The following SLC14A2 variants were observed in gnomAD, a reference collection of about 807,000 sequenced individuals.
SLC14A2 encodes solute carrier family 14 member 2.
Under a neutral mutation model 104.6 loss-of-function variants are expected in SLC14A2, and 91 were observed. The observed-to-expected ratio is 0.87, with a 90% CI of 0.73 to 1.04. The LOEUF is 1.04. Among genes scored for constraint, SLC14A2 ranks in the 50% least tolerant of loss-of-function variants. SLC14A2 has a pLI of 0.00. For synonymous variants in SLC14A2, 476 were observed against 466.4 expected (o/e 1.02, Z -0.27); for missense variants, 1,189 against 1,156.0 (o/e 1.03, Z -0.41).
At chr18:45,404,476 T>TA (rs1175873876) in intron 1 of SLC14A2, among the ~76,000 whole-genome samples, 2 of 152,204 alleles carry the variant, frequency 1.3e-5, no homozygotes, top group African/African-American at 4.8e-5. Flanking sequence ...TCCCTTATGT[T>TA]ACTTCATACC....
chr18:45,173,699 T>A, the SLC14A2 span, among the ~76,000 whole-genome samples: 1 of 152,118 alleles, frequency 6.6e-6, no homozygotes. Context: ...TTTTCAATTA[T>A]TTTTCCACTA....
the SLC14A2 span, among the ~76,000 whole-genome samples, chr18:45,199,358 T>C: frequency 2.0e-5 from 3 of 152,180 alleles, no homozygotes; most frequent in African/African-American, 7.2e-5. Flanking sequence ...TCTAAAATTC[T>C]TATCAGACAG....
chr18:45,643,499 G>A (rs982331416), intron 9 of SLC14A2, among the ~76,000 whole-genome samples: 3 of 152,170 alleles, frequency 2.0e-5, no homozygotes, highest in Non-Finnish European at 4.4e-5. Context: ...CTCCATCATT[G>A]AAAGATTCTG....
chr18:45,592,123 G>T (rs1277307503), intron 2 of SLC14A2, among the ~76,000 whole-genome samples: 4 of 152,166 alleles, frequency 2.6e-5, no homozygotes, highest in African/African-American at 9.7e-5. Context: ...TGGGGGAAAG[G>T]TTGCTTACCA....
chr18:45,603,803 T>C (rs1015865905), intron 2 of SLC14A2, among the ~76,000 whole-genome samples: 2 of 152,170 alleles, frequency 1.3e-5, no homozygotes, highest in African/African-American at 2.4e-5. Flanking sequence ...CAAAAGAAGA[T>C]ACCTGAAGTG....
chr18:45,516,381 G>A (rs981398105), intron 2 of SLC14A2, among the ~76,000 whole-genome samples: 4 of 152,136 alleles, frequency 2.6e-5, no homozygotes, highest in African/African-American at 9.7e-5. Flanking sequence ...TAAAATAAGT[G>A]TGTGAACCTG....
chr18:45,606,734 TAA>T (rs781251287), intron 2 of SLC14A2, among the ~76,000 whole-genome samples: 12,838 of 76,466 alleles, frequency 0.17, 738 homozygotes, highest in African/African-American at 0.27. Flanking sequence ...AAAGTCTAAT[TAA>T]AAAAAAAAAA....
intron 2 of SLC14A2, among the ~76,000 whole-genome samples, chr18:45,561,691 C>T (rs1215377050): frequency 1.3e-5 from 2 of 152,210 alleles, no homozygotes; most frequent in Admixed American, 6.5e-5. Context: ...TCCCCTCCCT[C>T]CCTCTCCAGC....
intron 1 of SLC14A2, among the ~76,000 whole-genome samples, chr18:45,405,009 T>C (rs1288197418): frequency 1.3e-5 from 2 of 152,204 alleles, no homozygotes; most frequent in Non-Finnish European, 2.9e-5. Context: ...ATGGAACTTC[T>C]AGGGCTCTCC....
chr18:45,580,778 C>A (rs56010257), intron 2 of SLC14A2, among the ~76,000 whole-genome samples: 1 of 152,172 alleles, frequency 6.6e-6, no homozygotes, highest in East Asian at 1.9e-4. Context: ...AGCTGAGATT[C>A]AGACTGAGGC....
At chr18:45,614,287 G>A (rs1176036824), upstream of SLC14A2, among the ~76,000 whole-genome samples, 2 of 152,222 alleles carry the variant, frequency 1.3e-5, no homozygotes, top group Non-Finnish European at 2.9e-5. Flanking sequence ...GAAACGCCAG[G>A]ATGTCCAGGC....
At chr18:45,549,239 G>A (rs889619978) in intron 2 of SLC14A2, among the ~76,000 whole-genome samples, 5 of 152,236 alleles carry the variant, frequency 3.3e-5, no homozygotes, top group East Asian at 1.9e-4. Context: ...CTCTGCCTTC[G>A]GTGGATTCCT....
chr18:45,444,406 A>G (rs1254677258), intron 1 of SLC14A2, among the ~76,000 whole-genome samples: 1 of 152,248 alleles, frequency 6.6e-6, no homozygotes, highest in African/African-American at 2.4e-5. Flanking sequence ...CCCCAAAGTC[A>G]GTAAGAAAGA....
At chr18:45,638,640 C>T (rs2045464894) in intron 6 of SLC14A2, among the ~76,000 whole-genome samples, 1 of 152,178 alleles carries the variant, frequency 6.6e-6, no homozygotes, top group Non-Finnish European at 1.5e-5. Flanking sequence ...TTCCACTGTA[C>T]AGCAAAGTTT....
intron 2 of SLC14A2, among the ~76,000 whole-genome samples, chr18:45,560,027 C>T (rs1599005275): frequency 6.6e-6 from 1 of 152,214 alleles, no homozygotes; most frequent in South Asian, 2.1e-4. Flanking sequence ...TCTGCCTACA[C>T]GTTGCCCTGG....
Position 45,668,210 on chromosome 18 carries a change from T to C in SLC14A2, c.1908-139T>C. 7 of 1,252,138 alleles carry C rather than the reference T, an allele frequency of 5.6e-6. No individual in the cohort carries two copies. The South Asian group carries it at 1.0e-4, about 18-fold the overall frequency. The allele number at this position is 1,252,138 out of a possible 1,614,324, so 77.6% of individuals were successfully genotyped here. A position where few individuals can be genotyped will look rare whatever the true frequency, so the allele number is the denominator to read the frequency against. On this transcript the variant is annotated intron_variant, in intron 14 of 19. Transcript: ENST00000255226. Reference sequence around the variant, plus strand: ...ATATGAAGGATTCATAGGGTTGTCTTCCTTCCCCACTCCCAGAAGGGTGGT... The same window carrying C: ...ATATGAAGGATTCATAGGGTTGTCTCCCTTCCCCACTCCCAGAAGGGTGGT...
chr18:45,437,230 A>G (rs1197076195), intron 1 of SLC14A2, among the ~76,000 whole-genome samples: 1 of 152,206 alleles, frequency 6.6e-6, no homozygotes, highest in Non-Finnish European at 1.5e-5. Context: ...CAAATCTGTA[A>G]AAAGCTACCA....
intron 2 of SLC14A2, among the ~76,000 whole-genome samples, chr18:45,499,471 A>G (rs963109636): frequency 6.6e-5 from 10 of 152,202 alleles, no homozygotes; most frequent in African/African-American, 2.4e-4. Flanking sequence ...TCCAGTTTTC[A>G]CACCTTAAAG....
At chr18:45,169,426 T>A in the SLC14A2 span, among the ~76,000 whole-genome samples, 9 of 152,288 alleles carry the variant, frequency 5.9e-5, no homozygotes, top group Admixed American at 2.6e-4. Flanking sequence ...CACTGCCAGC[T>A]CTTACTCAGT....
Sources: allele counts gnomAD v4.1 joint callset (sites outside exome capture counted in the v4.1 genomes callset), GRCh38; gene constraint gnomAD v4.1.1; transcripts MANE v1.5; gene names NCBI Gene and HGNC (gene_info 2026-07-23, HGNC 2026-07-21).